The following SLC44A5 variants were observed in gnomAD, a reference collection of about 807,000 sequenced individuals.
The protein encoded by SLC44A5 is solute carrier family 44 member 5, also known as choline transporter-like protein 5.
SLC44A5 carries 57 observed loss-of-function variants against 101.8 expected under a neutral mutation model. That is an observed-to-expected ratio of 0.56 (90% CI 0.45 to 0.70). SLC44A5 has a LOEUF of 0.70. Ranked by LOEUF, SLC44A5 falls within the 30% of genes least tolerant of loss-of-function variation. The probability of loss-of-function intolerance (pLI) is 0.00; values close to 1 mark genes in which losing one functional copy is unlikely to be tolerated. For synonymous variants in SLC44A5, 281 were observed against 290.9 expected (o/e 0.97, Z 0.35); for missense variants, 737 against 853.1 (o/e 0.86, Z 1.70).
the SLC44A5 span, among the ~76,000 whole-genome samples, chr1:75,683,849 T>C: frequency 6.6e-6 from 1 of 151,902 alleles, no homozygotes; most frequent in Non-Finnish European, 1.5e-5. Context: ...AAGACATGTA[T>C]AGATTGAAAA....
At chr1:75,503,076 T>C (rs992642337) in intron 2 of SLC44A5, among the ~76,000 whole-genome samples, 1 of 152,190 alleles carries the variant, frequency 6.6e-6, no homozygotes, top group African/African-American at 2.4e-5. Flanking sequence ...TGTCATTATG[T>C]TTTATTCGAA....
intron 16 of SLC44A5, 42 bp from the exon 17 acceptor site, chr1:75,218,794 T>C: frequency 6.4e-7 from 1 of 1,560,294 alleles, no homozygotes; most frequent in South Asian, 1.2e-5. Flanking sequence ...ATATTAAATA[T>C]CACTCCAAGA....
intron 5 of SLC44A5, among the ~76,000 whole-genome samples, chr1:75,299,595 G>A (rs983090881): frequency 6.6e-6 from 1 of 152,090 alleles, no homozygotes; most frequent in Non-Finnish European, 1.5e-5. Context: ...AGTTTCCTAA[G>A]TCAGAATTTA....
chr1:75,304,812 G>C (rs975261133), intron 4 of SLC44A5, among the ~76,000 whole-genome samples: 1 of 152,078 alleles, frequency 6.6e-6, no homozygotes, highest in East Asian at 1.9e-4. Flanking sequence ...ATTGTACTAA[G>C]TTAAAAATGG....
chr1:75,549,542 C>T (rs1671826829), intron 1 of SLC44A5, among the ~76,000 whole-genome samples: 1 of 152,082 alleles, frequency 6.6e-6, no homozygotes, highest in East Asian at 1.9e-4. Context: ...TATGGAGTGT[C>T]TCTTGTATGT....
chr1:75,534,871 T>A (rs2101930038), intron 2 of SLC44A5, among the ~76,000 whole-genome samples: 1 of 152,312 alleles, frequency 6.6e-6, no homozygotes, highest in South Asian at 2.1e-4. Flanking sequence ...TACTTTAATA[T>A]AATGACCATT....
At chr1:75,577,165 T>TA (rs1410225930) in intron 1 of SLC44A5, among the ~76,000 whole-genome samples, 1 of 152,230 alleles carries the variant, frequency 6.6e-6, no homozygotes, top group Admixed American at 6.5e-5. Context: ...CTGATCCAAG[T>TA]ACCATAATCC....
chr1:75,340,272 C>T (rs1657775612), intron 3 of SLC44A5, among the ~76,000 whole-genome samples: 1 of 152,134 alleles, frequency 6.6e-6, no homozygotes, highest in Non-Finnish European at 1.5e-5. Context: ...AGTGAAAGTA[C>T]ATATGGAATG....
chr1:75,547,323 A>G (rs1237632842), intron 1 of SLC44A5, among the ~76,000 whole-genome samples: 3 of 152,194 alleles, frequency 2.0e-5, no homozygotes, highest in Non-Finnish European at 4.4e-5. Context: ...AGATGAGCAA[A>G]CTTTCCACTC....
At chr1:75,437,939 T>C (rs565989296) in intron 2 of SLC44A5, among the ~76,000 whole-genome samples, 1 of 152,278 alleles carries the variant, frequency 6.6e-6, no homozygotes, top group South Asian at 2.1e-4. Context: ...CACATTTCTT[T>C]TGATCTATTG....
chr1:75,300,273 C>A (rs1654346029), intron 5 of SLC44A5, among the ~76,000 whole-genome samples: 1 of 151,868 alleles, frequency 6.6e-6, no homozygotes, highest in African/African-American at 2.4e-5. Context: ...AAGATCTAGG[C>A]CCTAGTTCTT....
chr1:75,661,415 A>AAAAAAC, the SLC44A5 span, among the ~76,000 whole-genome samples: 2 of 117,526 alleles, frequency 1.7e-5, no homozygotes, highest in South Asian at 2.6e-4. Context: ...AAAAAAAAAA[A>AAAAAAC]CACCATGGAA....
chr1:75,434,432 A>C (rs1664777102), intron 2 of SLC44A5, among the ~76,000 whole-genome samples: 1 of 152,114 alleles, frequency 6.6e-6, no homozygotes, highest in African/African-American at 2.4e-5. Flanking sequence ...TAATAGACTA[A>C]GTTCTCTGAG....
At chr1:75,704,291 A>G in the SLC44A5 span, among the ~76,000 whole-genome samples, 1 of 152,168 alleles carries the variant, frequency 6.6e-6, no homozygotes, top group Non-Finnish European at 1.5e-5. Flanking sequence ...AACATACATT[A>G]TCAGTGATTA....
chr1:75,675,868 C>T, the SLC44A5 span, among the ~76,000 whole-genome samples: 1 of 151,958 alleles, frequency 6.6e-6, no homozygotes, highest in Non-Finnish European at 1.5e-5. Flanking sequence ...GAAAAAACAA[C>T]CCCATTAAAA....
At chr1:75,601,323 A>G (rs1216819198) in intron 1 of SLC44A5, among the ~76,000 whole-genome samples, 1 of 150,226 alleles carries the variant, frequency 6.7e-6, no homozygotes, top group African/African-American at 2.4e-5. Flanking sequence ...GGAGTTGATC[A>G]ATGAGAACAC....
chr1:75,221,262 C>G (rs1444086877), intron 14 of SLC44A5, among the ~76,000 whole-genome samples: 7 of 152,072 alleles, frequency 4.6e-5, no homozygotes, highest in African/African-American at 1.4e-4. Flanking sequence ...TAATTTGGTT[C>G]TTGGTCATTA....
intron 2 of SLC44A5, among the ~76,000 whole-genome samples, chr1:75,493,527 T>C (rs558572091): frequency 8.6e-4 from 131 of 152,226 alleles, no homozygotes; most frequent in Middle Eastern, 6.8e-3. Flanking sequence ...AGATTAGCCA[T>C]GGGACAACAC....
At chr1:75,243,795 T>C (rs1456087047) in intron 7 of SLC44A5, among the ~76,000 whole-genome samples, 1 of 152,040 alleles carries the variant, frequency 6.6e-6, no homozygotes, top group African/African-American at 2.4e-5. Context: ...GGGAGGTGTT[T>C]GGGTTCATAG....
Sources: allele counts gnomAD v4.1 joint callset (sites outside exome capture counted in the v4.1 genomes callset), GRCh38; gene constraint gnomAD v4.1.1; transcripts MANE v1.5; gene names NCBI Gene and HGNC (gene_info 2026-07-23, HGNC 2026-07-21).